MYH15: variants seen among roughly 807,000 people sequenced by gnomAD.
MYH15 encodes the protein myosin heavy chain 15.
MYH15 carries 227 observed loss-of-function variants against 240.5 expected under a neutral mutation model. That is an observed-to-expected ratio of 0.94 (90% CI 0.85 to 1.05). The LOEUF (loss-of-function observed/expected upper bound fraction) is 1.05, where lower values mean the gene tolerates loss of function less well. Among genes scored for constraint, MYH15 ranks in the 50% least tolerant of loss-of-function variants. The pLI is 0.00. For synonymous variants in MYH15, 785 were observed against 796.7 expected, an observed-to-expected ratio of 0.99 and a Z score of 0.25; for missense variants, 2,217 against 2,247.5, an observed-to-expected ratio of 0.99 and a Z score of 0.27.
In MYH15 at chr3:108,498,037, T is replaced by G. The variant is rs952644262; in HGVS notation, c.618+15A>C. 2.5e-6 allele frequency: 4 copies of G among 1,609,866 alleles called. No individual in the cohort carries two copies. Among genetic ancestry groups the G allele is most frequent in the Non-Finnish European group, 3.4e-6 (4 of 1,176,446 alleles). ...GGCCACCTCATCTTTTCTACCAAGC[T>G]ATATAAACACTTACCTGCTTTTTCC... On this transcript the variant is annotated intron_variant, in intron 6 of 40. Coordinates refer to ENST00000693548, the MANE Select transcript of MYH15 (RefSeq NM_014981.3).
At chr3:108,479,112 G>A (rs988709186) in intron 11 of MYH15, among the ~76,000 whole-genome samples, 2 of 152,190 alleles carry the variant, frequency 1.3e-5, no homozygotes, top group African/African-American at 4.8e-5. Flanking sequence ...CAACCAAGAT[G>A]AAAATGGCGT....
At chr3:108,432,260 T>C (rs1387637015) in intron 25 of MYH15, among the ~76,000 whole-genome samples, 1 of 152,140 alleles carries the variant, frequency 6.6e-6, no homozygotes, top group African/African-American at 2.4e-5. Context: ...GGTTTCACTG[T>C]GTTGCCCAGG....
At chr3:108,384,112 T>C (rs937147190) in intron 39 of MYH15, among the ~76,000 whole-genome samples, 3 of 152,168 alleles carry the variant, frequency 2.0e-5, no homozygotes, top group Admixed American at 2.0e-4. Context: ...AGGTAATTAT[T>C]AGACCTTGGG....
At chr3:108,545,919 C>A in the MYH15 span, among the ~76,000 whole-genome samples, 1 of 152,224 alleles carries the variant, frequency 6.6e-6, no homozygotes, top group South Asian at 2.1e-4. Flanking sequence ...TAAATTGTTT[C>A]CAATTTTGTG....
chr3:108,502,280 C>G (rs1474251326), intron 2 of MYH15, among the ~76,000 whole-genome samples: 6 of 152,164 alleles, frequency 3.9e-5, no homozygotes, highest in African/African-American at 1.4e-4. Flanking sequence ...AGACCTAGTT[C>G]AAAACCTGTC....
intron 21 of MYH15, among the ~76,000 whole-genome samples, chr3:108,450,867 A>T (rs934398286): frequency 3.0e-4 from 46 of 152,322 alleles, no homozygotes; most frequent in Admixed American, 2.7e-3. Flanking sequence ...AATAAACACA[A>T]AGAAAGTAGA....
intron 17 of MYH15, 33 bp from the exon 18 acceptor site, chr3:108,459,482 C>A (rs752341372): frequency 2.9e-6 from 4 of 1,386,490 alleles, no homozygotes; most frequent in Non-Finnish European, 4.0e-6. Context: ...CACAAAATCA[C>A]TTTGCAAATC....
intron 1 of MYH15, among the ~76,000 whole-genome samples, chr3:108,524,491 T>G (rs6780579): frequency 0.19 from 28,912 of 151,976 alleles, 3,018 homozygotes; most frequent in East Asian, 0.39. Context: ...ATTTACCAAA[T>G]CTATTATTTT....
intron 31 of MYH15, among the ~76,000 whole-genome samples, chr3:108,410,201 T>C (rs1452180898): frequency 6.6e-6 from 1 of 152,190 alleles, no homozygotes; most frequent in Non-Finnish European, 1.5e-5. Flanking sequence ...GTATGGGCTA[T>C]AGAAATATTC....
intron 16 of MYH15, among the ~76,000 whole-genome samples, chr3:108,462,290 T>C (rs768320953): frequency 2.0e-5 from 3 of 152,140 alleles, no homozygotes; most frequent in Non-Finnish European, 2.9e-5. Context: ...GCATCGTAAA[T>C]GCATGTAGCC....
At chr3:108,426,095 T>C (rs934749741) in intron 27 of MYH15, among the ~76,000 whole-genome samples, 7 of 148,968 alleles carry the variant, frequency 4.7e-5, no homozygotes, top group African/African-American at 1.7e-4. Flanking sequence ...TAAAACAAAA[T>C]ATGAAGAGAG....
At chr3:108,484,707 T>C (rs1295263192) in intron 11 of MYH15, among the ~76,000 whole-genome samples, 1 of 152,164 alleles carries the variant, frequency 6.6e-6, no homozygotes, top group African/African-American at 2.4e-5. Context: ...CTTGAACTCC[T>C]GGCCTCAAGT....
chr3:108,407,797 C>A (rs1456694764), intron 32 of MYH15, among the ~76,000 whole-genome samples: 1 of 152,202 alleles, frequency 6.6e-6, no homozygotes, highest in Non-Finnish European at 1.5e-5. Context: ...ATTTACTGAG[C>A]CTCTACTACA....
At chr3:108,510,852 A>G (rs943469315), upstream of MYH15, among the ~76,000 whole-genome samples, 2 of 152,184 alleles carry the variant, frequency 1.3e-5, no homozygotes, top group Non-Finnish European at 2.9e-5. Context: ...GAAAATGTTT[A>G]ATTTATTTTT....
chr3:108,434,648 T>C (rs960157482), intron 25 of MYH15, among the ~76,000 whole-genome samples: 14 of 152,308 alleles, frequency 9.2e-5, no homozygotes, highest in African/African-American at 3.1e-4. Flanking sequence ...GATTTAGACA[T>C]TCCTTAGTTT....
At chr3:108,429,885 G>T (rs1266522328) in intron 26 of MYH15, among the ~76,000 whole-genome samples, 1 of 152,086 alleles carries the variant, frequency 6.6e-6, no homozygotes, top group East Asian at 1.9e-4. Context: ...TGGGATCCAA[G>T]AAAATATTTA....
At position 108,430,934 on chromosome 3, in the gene MYH15, A is replaced by C. The variant is rs749168453; in HGVS notation, c.3222-12T>G. On this transcript the variant is annotated splice_polypyrimidine_tract_variant and intron_variant, in intron 25 of 40. Transcript: ENST00000693548. ...ATTCTAATTCTTTTCTGTTTAGAAAAAGATATCAAATACAATTGTTCAGAA... is the reference window on the plus strand; with the variant it reads ...ATTCTAATTCTTTTCTGTTTAGAAACAGATATCAAATACAATTGTTCAGAA... The C allele has an allele frequency of 4.6e-5, 70 of 1,529,494 alleles. No homozygotes were observed. The highest frequency in any genetic ancestry group is 6.2e-5 in the Non-Finnish European group (69 of 1,105,950). The allele number at this position is 1,529,494 out of a possible 1,614,324, so 94.7% of individuals were successfully genotyped here. A position where few individuals can be genotyped will look rare whatever the true frequency, so the allele number is the denominator to read the frequency against.
In MYH15 at chr3:108,428,898, T is replaced by G. The variant is rs966750726; in HGVS notation, c.3313-17A>C. ...TATTTGAGTCTGTAGCAAGAAATAA[T>G]TTTGACTTTTACTAAGCACTTGTAG... On this transcript the variant is annotated splice_polypyrimidine_tract_variant and intron_variant, in intron 26 of 40. Transcript: ENST00000693548. 2 of 1,580,394 alleles carry G rather than the reference T, an allele frequency of 1.3e-6. No individual in the cohort carries two copies. The highest frequency in any genetic ancestry group is 2.7e-5 in the African/African-American group (2 of 72,782).
chr3:108,408,485 C>T, intron 31 of MYH15, 81 bp from the exon 32 acceptor site: 6 of 1,411,198 alleles, frequency 4.3e-6, no homozygotes, highest in Non-Finnish European at 5.7e-6. Flanking sequence ...CAGATTCTTC[C>T]AGCCCACTGG....
Sources: allele counts gnomAD v4.1 joint callset (sites outside exome capture counted in the v4.1 genomes callset), GRCh38; gene constraint gnomAD v4.1.1; transcripts MANE v1.5; gene names NCBI Gene and HGNC (gene_info 2026-07-23, HGNC 2026-07-21).